The following NXN variants were observed in gnomAD, a reference collection of about 807,000 sequenced individuals.
NXN encodes nucleoredoxin.
A neutral mutation model predicts 48.6 loss-of-function variants in NXN; 16 were observed. That is an observed-to-expected ratio of 0.33 (90% CI 0.22 to 0.50). The LOEUF is 0.50. Ranked by LOEUF, NXN falls within the 20% of genes least tolerant of loss-of-function variation. The pLI, the probability that NXN is intolerant of heterozygous loss-of-function variation, is 0.98. For synonymous variants in NXN, 281 were observed against 269.6 expected, an observed-to-expected ratio of 1.04 and a Z score of -0.41; for missense variants, 492 against 605.5, an observed-to-expected ratio of 0.81 and a Z score of 1.97.
intron 5 of NXN, among the ~76,000 whole-genome samples, chr17:816,961 C>T (rs1912501690): frequency 6.6e-6 from 1 of 152,206 alleles, no homozygotes; most frequent in Non-Finnish European, 1.5e-5. Context: ...TAAGCGCTGA[C>T]CTCCTTGGCA....
At chr17:847,927 A>G (rs1180122035) in intron 1 of NXN, among the ~76,000 whole-genome samples, 1 of 152,198 alleles carries the variant, frequency 6.6e-6, no homozygotes, top group Non-Finnish European at 1.5e-5. Context: ...ATAGGAGTAA[A>G]TACAGAACAA....
intron 5 of NXN, among the ~76,000 whole-genome samples, chr17:814,544 C>T (rs1912361604): frequency 6.6e-6 from 1 of 152,216 alleles, no homozygotes; most frequent in African/African-American, 2.4e-5. Flanking sequence ...CTTCCAGGCC[C>T]TCGTACGAAA....
intron 1 of NXN, among the ~76,000 whole-genome samples, chr17:856,449 G>A (rs938055672): frequency 2.0e-5 from 3 of 151,606 alleles, no homozygotes; most frequent in African/African-American, 7.3e-5. Flanking sequence ...GGAGTCTGTG[G>A]ATAAAGTAGG....
At chr17:834,299 G>C (rs1913663718) in intron 1 of NXN, among the ~76,000 whole-genome samples, 2 of 152,238 alleles carry the variant, frequency 1.3e-5, no homozygotes, top group African/African-American at 2.4e-5. Flanking sequence ...CCCAGCATGA[G>C]TGACGGGGCA....
At chr17:970,621 C>T (rs2069364153) in intron 1 of NXN, among the ~76,000 whole-genome samples, 1 of 152,188 alleles carries the variant, frequency 6.6e-6, no homozygotes, top group South Asian at 2.1e-4. Context: ...AGGCTTGCTG[C>T]TCCTCCTCCT....
chr17:853,588 C>CG (rs1567834360), intron 1 of NXN, among the ~76,000 whole-genome samples: 1 of 151,656 alleles, frequency 6.6e-6, no homozygotes, highest in African/African-American at 2.4e-5. Context: ...ATCAGCTCTT[C>CG]GGGGGAGCCT....
At chr17:967,071 C>T (rs988966387) in intron 1 of NXN, among the ~76,000 whole-genome samples, 1 of 152,096 alleles carries the variant, frequency 6.6e-6, no homozygotes, top group Non-Finnish European at 1.5e-5. Context: ...GGCCACTCTC[C>T]CTCAGTAATA....
intron 1 of NXN, among the ~76,000 whole-genome samples, chr17:843,996 G>C (rs1291087531): frequency 6.6e-6 from 1 of 152,210 alleles, no homozygotes; most frequent in African/African-American, 2.4e-5. Flanking sequence ...CTGTCGCTTT[G>C]GGGAATCTGC....
intron 1 of NXN, among the ~76,000 whole-genome samples, chr17:844,234 G>A (rs1296869067): frequency 6.7e-6 from 1 of 149,986 alleles, no homozygotes; most frequent in African/African-American, 2.5e-5. Context: ...TGGAAGGTGG[G>A]AGACCAGGCC....
At chr17:910,347 G>C (rs2068623736) in intron 1 of NXN, among the ~76,000 whole-genome samples, 1 of 151,922 alleles carries the variant, frequency 6.6e-6, no homozygotes, top group African/African-American at 2.4e-5. Context: ...GGGAGGCGGA[G>C]GTTGTGGTGA....
chr17:877,216 C>T (rs147114282), intron 1 of NXN, among the ~76,000 whole-genome samples: 13,256 of 151,794 alleles, frequency 0.087, 580 homozygotes, highest in Middle Eastern at 0.14. Flanking sequence ...GGCATGATCT[C>T]GGCTCACTGC....
intron 1 of NXN, among the ~76,000 whole-genome samples, chr17:835,307 C>CAAAAAA (rs368573865): frequency 1.1e-5 from 1 of 91,286 alleles, no homozygotes; most frequent in Non-Finnish European, 2.3e-5. Flanking sequence ...GACTCTGTTT[C>CAAAAAA]AAAAAAAAAA....
intron 1 of NXN, among the ~76,000 whole-genome samples, chr17:967,946 C>T (rs1302144989): frequency 2.0e-5 from 3 of 150,276 alleles, no homozygotes; most frequent in South Asian, 2.1e-4. Flanking sequence ...TACTCTAGCC[C>T]AGGCGACAGA....
At chr17:861,600 T>A (rs2068041291) in intron 1 of NXN, among the ~76,000 whole-genome samples, 2 of 152,142 alleles carry the variant, frequency 1.3e-5, no homozygotes, top group Admixed American at 6.6e-5. Context: ...GAGGCCAAGC[T>A]GAGCCTGAAC....
At chr17:865,704 C>T (rs748280609) in intron 1 of NXN, among the ~76,000 whole-genome samples, 1 of 151,928 alleles carries the variant, frequency 6.6e-6, no homozygotes, top group Non-Finnish European at 1.5e-5. Flanking sequence ...AACAATGTTG[C>T]TGGGCGCAGT....
chr17:814,954 T>C (rs1398580500), intron 5 of NXN, among the ~76,000 whole-genome samples: 10 of 152,046 alleles, frequency 6.6e-5, no homozygotes, highest in Non-Finnish European at 8.8e-5. Context: ...TTAGTAGAGA[T>C]GGGGTTTCGC....
At chr17:859,875 G>C (rs1597670502) in intron 1 of NXN, among the ~76,000 whole-genome samples, 1 of 152,146 alleles carries the variant, frequency 6.6e-6, no homozygotes, top group Admixed American at 6.5e-5. Context: ...ACAGAGGGAA[G>C]AGCAGGAACT....
At chr17:901,964 T>A (rs1001533021) in intron 1 of NXN, among the ~76,000 whole-genome samples, 3 of 152,166 alleles carry the variant, frequency 2.0e-5, no homozygotes, top group Non-Finnish European at 4.4e-5. Context: ...CCTCCCAAAG[T>A]GCTGGGATTG....
intron 5 of NXN, among the ~76,000 whole-genome samples, chr17:810,810 A>G (rs766961643): frequency 2.0e-5 from 3 of 152,098 alleles, no homozygotes; most frequent in Admixed American, 1.3e-4. Context: ...AATCGCTTGA[A>G]CGCGGGAGGC....
Sources: gnomAD v4.1 joint callset for allele counts (sites outside exome capture counted in the v4.1 genomes callset) on GRCh38, gnomAD v4.1.1 for gene constraint, MANE v1.5 for transcripts, NCBI Gene and HGNC (gene_info 2026-07-23, HGNC 2026-07-21) for gene names.